Variants in CCDC170 observed in about 807,000 individuals in gnomAD.
CCDC170 encodes coiled-coil domain containing 170.
In CCDC170, 69 loss-of-function variants were observed where a neutral mutation model predicts 72.6. The ratio of observed to expected loss-of-function variants is 0.95; its 90% CI spans 0.78 to 1.16. The LOEUF is 1.16. Among genes scored for constraint, CCDC170 ranks in the 50% most tolerant of loss-of-function variants. The pLI is 0.00. For missense variants in CCDC170, 852 were observed against 832.5 expected (o/e 1.02, Z -0.29); for synonymous variants, 300 against 303.9 (o/e 0.99, Z 0.13).
At chr6:151,529,465 G>A (rs554094870) in intron 1 of CCDC170, among the ~76,000 whole-genome samples, 21 of 151,996 alleles carry the variant, frequency 1.4e-4, no homozygotes, top group African/African-American at 4.8e-4. Context: ...GAGACCAGCC[G>A]GGCCAACATG....
chr6:151,517,753 C>A (rs1429868569), intron 1 of CCDC170, among the ~76,000 whole-genome samples: 1 of 152,028 alleles, frequency 6.6e-6, no homozygotes, highest in African/African-American at 2.4e-5. Context: ...CTAATAATTT[C>A]TTCTTAACTC....
intron 9 of CCDC170, among the ~76,000 whole-genome samples, chr6:151,611,515 A>G (rs907004004): frequency 8.6e-5 from 13 of 151,844 alleles, no homozygotes; most frequent in Non-Finnish European, 1.8e-4. Context: ...GGCCTCTTCT[A>G]TAAGAGCACT....
chr6:151,494,134 C>A lies in CCDC170; in HGVS notation c.6C>A (p.Ser2Arg), dbSNP rs1432994793. 6.6e-7 allele frequency: 1 copy of A among 1,513,516 alleles called. No homozygotes were observed. Among genetic ancestry groups the A allele is most frequent in the Admixed American group, 2.1e-5 (1 of 47,132 alleles). 93.8% of individuals were successfully genotyped at this position (1,513,516 alleles called of 1,614,324 possible). A position where few individuals can be genotyped will look rare whatever the true frequency, so the allele number is the denominator to read the frequency against. The change falls in exon 1 of 11, where the codon AGC (serine) becomes AGA (arginine). Residue 2 changes from serine (S) to arginine (R), a missense_variant. Physicochemically the swap from Ser to Arg is moderately radical, Grantham distance 110. Transcript: ENST00000239374. ...GCCCCCGGGCTCGGGTCGTCATGAG[C>A]CTGGACTGCACCAGCCATATCGCGC... Reference protein sequence around the residue: MSLDCTSHIALG... With the variant: MRLDCTSHIALG...
At chr6:151,596,752 T>A (rs79209547) in intron 9 of CCDC170, among the ~76,000 whole-genome samples, 175 bp downstream of exon 9, 12,360 of 152,230 alleles carry the variant, frequency 0.081, 554 homozygotes, top group African/African-American at 0.11. Flanking sequence ...ACATATCCAT[T>A]CAGTGTCTCT....
chr6:151,511,815 G>T (rs747796233), intron 1 of CCDC170, among the ~76,000 whole-genome samples: 5 of 152,054 alleles, frequency 3.3e-5, no homozygotes, highest in Admixed American at 6.6e-5. Context: ...TATATGTTTG[G>T]TACCGTGCAT....
At chr6:151,596,846 G>C (rs1776633382) in intron 9 of CCDC170, among the ~76,000 whole-genome samples, 1 of 152,098 alleles carries the variant, frequency 6.6e-6, no homozygotes, top group African/African-American at 2.4e-5. Flanking sequence ...ATTTTTTTGA[G>C]GAGGAGTTTC....
chr6:151,565,062 A>T (rs1245015916), intron 5 of CCDC170, among the ~76,000 whole-genome samples: 1 of 152,004 alleles, frequency 6.6e-6, no homozygotes, highest in Admixed American at 6.5e-5. Flanking sequence ...GGACACTTGT[A>T]TATGTGCGAT....
chr6:151,576,772 A>G (rs947898305), intron 6 of CCDC170, among the ~76,000 whole-genome samples: 8 of 152,204 alleles, frequency 5.3e-5, no homozygotes, highest in African/African-American at 1.7e-4. Context: ...AAATGTTTCT[A>G]AAGAATGGGA....
intron 1 of CCDC170, among the ~76,000 whole-genome samples, chr6:151,496,299 A>T (rs74707934): frequency 0.018 from 2,777 of 152,278 alleles, 83 homozygotes; most frequent in African/African-American, 0.064. Flanking sequence ...CCCTTTAGCA[A>T]TAAATAAGAA....
chr6:151,566,554 A>G (rs1378689967), intron 5 of CCDC170, among the ~76,000 whole-genome samples: 1 of 152,332 alleles, frequency 6.6e-6, no homozygotes, highest in Middle Eastern at 3.4e-3. Context: ...CACCAAGCAC[A>G]AGTCCAAATT....
intron 1 of CCDC170, among the ~76,000 whole-genome samples, chr6:151,528,692 G>T (rs1178898816): frequency 6.6e-6 from 1 of 152,006 alleles, no homozygotes; most frequent in East Asian, 1.9e-4. Flanking sequence ...ACAAAAATTA[G>T]CCAAATGTGG....
chr6:151,617,776 CTT>C (rs955516445), intron 10 of CCDC170, among the ~76,000 whole-genome samples, 169 bp from the exon 11 acceptor site: 7 of 152,120 alleles, frequency 4.6e-5, no homozygotes, highest in Admixed American at 6.5e-5. Flanking sequence ...GTTGATGTGA[CTT>C]ATCTGGAATC....
chr6:151,520,086 C>T (rs1052920418), intron 1 of CCDC170, among the ~76,000 whole-genome samples: 5 of 152,208 alleles, frequency 3.3e-5, no homozygotes, highest in Non-Finnish European at 5.9e-5. Flanking sequence ...AAGATGGAGC[C>T]ACTCTGGTTC....
intron 1 of CCDC170, among the ~76,000 whole-genome samples, chr6:151,512,370 G>T (rs928201098): frequency 2.0e-5 from 3 of 152,020 alleles, no homozygotes; most frequent in African/African-American, 7.2e-5. Context: ...ATGTTGGCCA[G>T]CCTGGTCTCG....
At position 151,615,765 on chromosome 6, in the gene CCDC170, C is replaced by A. The variant is rs1776956774; in HGVS notation, c.1947+86C>A. 17 of 1,020,404 alleles carry A rather than the reference C, an allele frequency of 1.7e-5. No homozygotes were observed. The South Asian group carries it at 2.5e-4, about 15-fold the overall frequency. 63.2% of individuals were successfully genotyped at this position (1,020,404 alleles called of 1,614,324 possible). On this transcript the variant is annotated intron_variant, in intron 10 of 10. Transcript: ENST00000239374. ...GATATTAATACTTATTCATGCATTT[C>A]TTTTTAAAAAAGTTTGGACTGTTTC...
At chr6:151,530,768 TG>T (rs982914167) in intron 1 of CCDC170, among the ~76,000 whole-genome samples, 2 of 152,060 alleles carry the variant, frequency 1.3e-5, no homozygotes, top group Non-Finnish European at 2.9e-5. Flanking sequence ...TTTAAAATGT[TG>T]CTAGTTTTAA....
chr6:151,586,102 G>A lies in CCDC170; in HGVS notation c.1293+13G>A, dbSNP rs758133247. On this transcript the variant is annotated intron_variant, in intron 7 of 10. Coordinates refer to ENST00000239374, the MANE Select transcript of CCDC170 (RefSeq NM_025059.4). Reference sequence around the variant, plus strand: ...TGAGAAACAAAAAGTAATGACCCGAGGGCATGTCCATGAGTGGAAGCATCT... The same window carrying A: ...TGAGAAACAAAAAGTAATGACCCGAAGGCATGTCCATGAGTGGAAGCATCT... The A allele has an allele frequency of 4.3e-6, 7 of 1,612,814 alleles. No individual in the cohort carries two copies. In the South Asian group the frequency reaches 7.7e-5, roughly 18 times the overall value.
chr6:151,558,513 G>C (rs1783025108), intron 5 of CCDC170, among the ~76,000 whole-genome samples: 1 of 151,956 alleles, frequency 6.6e-6, no homozygotes, highest in African/African-American at 2.4e-5. Flanking sequence ...TTTTATTCTA[G>C]TAGTTTTATA....
chr6:151,514,309 C>T (rs1045092956), intron 1 of CCDC170, among the ~76,000 whole-genome samples: 4 of 101,914 alleles, frequency 3.9e-5, no homozygotes, highest in South Asian at 6.8e-4. Flanking sequence ...AAGAAAGAAA[C>T]GAAAGAAAAT....
Sources: gnomAD v4.1 joint callset for allele counts (sites outside exome capture counted in the v4.1 genomes callset) on GRCh38, gnomAD v4.1.1 for gene constraint, MANE v1.5 for transcripts, NCBI Gene and HGNC (gene_info 2026-07-23, HGNC 2026-07-21) for gene names.